The following LRRC37A2 variants were observed in gnomAD, a reference collection of about 807,000 sequenced individuals.
The protein encoded by LRRC37A2 is leucine-rich repeat-containing protein 37A2.
A neutral mutation model predicts 68.8 loss-of-function variants in LRRC37A2; 9 were observed. The ratio of observed to expected loss-of-function variants is 0.13; its 90% CI spans 0.08 to 0.23. The LOEUF (loss-of-function observed/expected upper bound fraction) is 0.23, where lower values mean the gene tolerates loss of function less well. LRRC37A2 is among the 10% of genes least tolerant of loss of function. The pLI is 1.00. For synonymous variants in LRRC37A2, 63 were observed against 367.6 expected (o/e 0.17, Z 9.48); for missense variants, 168 against 950.4 (o/e 0.18, Z 10.82).
At chr17:46,862,774 G>A in the LRRC37A2 span, among the ~76,000 whole-genome samples, 1 of 152,168 alleles carries the variant, frequency 6.6e-6, no homozygotes, top group Non-Finnish European at 1.5e-5. Flanking sequence ...AGTAGAGATG[G>A]GGTTTTACCA....
At chr17:46,716,764 C>T in the LRRC37A2 span, among the ~76,000 whole-genome samples, 1 of 152,022 alleles carries the variant, frequency 6.6e-6, no homozygotes, top group African/African-American at 2.4e-5. Flanking sequence ...TCATATTTGT[C>T]CTTCAATTCT....
At chr17:46,832,529 G>A in the LRRC37A2 span, among the ~76,000 whole-genome samples, 2 of 151,854 alleles carry the variant, frequency 1.3e-5, no homozygotes, top group Non-Finnish European at 2.9e-5. Context: ...TTTAAGCACC[G>A]AGAGAAAGCC....
At chr17:46,795,459 C>T in the LRRC37A2 span, among the ~76,000 whole-genome samples, 9 of 152,110 alleles carry the variant, frequency 5.9e-5, no homozygotes, top group African/African-American at 1.4e-4. Flanking sequence ...GGCAAAGGGA[C>T]GACAGCAAAT....
the LRRC37A2 span, among the ~76,000 whole-genome samples, chr17:46,800,407 G>A: frequency 0.011 from 1,619 of 152,270 alleles, 24 homozygotes; most frequent in African/African-American, 0.038. Context: ...CACCATGCCT[G>A]GCCTGATAAC....
chr17:46,954,918 G>T, the LRRC37A2 span, among the ~76,000 whole-genome samples: 2 of 152,134 alleles, frequency 1.3e-5, no homozygotes, highest in Non-Finnish European at 2.9e-5. Context: ...GAGATTTTGG[G>T]CTGAGACAGT....
At chr17:46,458,791 T>C in the LRRC37A2 span, among the ~76,000 whole-genome samples, 1 of 109,778 alleles carries the variant, frequency 9.1e-6, no homozygotes, top group South Asian at 4.2e-4. Context: ...TCTGCCCGCC[T>C]TGGCCTCCCA....
chr17:46,982,707 G>A, the LRRC37A2 span, among the ~76,000 whole-genome samples: 2 of 152,108 alleles, frequency 1.3e-5, no homozygotes, highest in Non-Finnish European at 2.9e-5. Context: ...GCTGGGGAGG[G>A]AAAAAGACAT....
the LRRC37A2 span, among the ~76,000 whole-genome samples, chr17:46,864,438 C>T: frequency 6.6e-6 from 1 of 152,204 alleles, no homozygotes; most frequent in Non-Finnish European, 1.5e-5. Context: ...ATCAGACTCT[C>T]ACACTTTAGT....
the LRRC37A2 span, among the ~76,000 whole-genome samples, chr17:46,461,021 G>A: frequency 3.5e-5 from 2 of 57,412 alleles, no homozygotes; most frequent in African/African-American, 1.5e-4. Context: ...TTGTTAAATT[G>A]CTGAAAACCA....
the LRRC37A2 span, among the ~76,000 whole-genome samples, chr17:46,814,195 G>A: frequency 3.3e-5 from 5 of 152,282 alleles, no homozygotes; most frequent in Non-Finnish European, 5.9e-5. Context: ...TCTTGGCCCC[G>A]GAGCTGTTGA....
the LRRC37A2 span, among the ~76,000 whole-genome samples, chr17:46,786,199 G>C: frequency 5.3e-5 from 8 of 152,130 alleles, no homozygotes; most frequent in East Asian, 1.6e-3. Context: ...CTGGGGAGGA[G>C]GAAAGAGAGT....
chr17:46,585,191 C>T, the LRRC37A2 span, among the ~76,000 whole-genome samples: 5 of 146,270 alleles, frequency 3.4e-5, 1 homozygote, highest in East Asian at 3.9e-4. Context: ...GTGGTGCGTG[C>T]GTGTAAATCT....
chr17:47,015,393 T>G, the LRRC37A2 span, among the ~76,000 whole-genome samples: 1 of 152,218 alleles, frequency 6.6e-6, no homozygotes. Context: ...GACAGTTGCC[T>G]TTAGTATTCA....
the LRRC37A2 span, among the ~76,000 whole-genome samples, chr17:46,789,861 G>A: frequency 2.0e-4 from 30 of 152,184 alleles, no homozygotes; most frequent in East Asian, 3.9e-4. Flanking sequence ...GGGATGCTGC[G>A]ACCACACCCA....
the LRRC37A2 span, among the ~76,000 whole-genome samples, chr17:47,034,407 G>A: frequency 9.2e-5 from 14 of 152,162 alleles, no homozygotes; most frequent in South Asian, 2.7e-3. Flanking sequence ...AGGGACAAAT[G>A]CAAAGATCCT....
chr17:46,731,464 C>T, the LRRC37A2 span, among the ~76,000 whole-genome samples: 1 of 152,064 alleles, frequency 6.6e-6, no homozygotes, highest in Non-Finnish European at 1.5e-5. Context: ...CTGAATTGTA[C>T]ACTTTAAATG....
chr17:46,947,861 C>T, the LRRC37A2 span, among the ~76,000 whole-genome samples: 5 of 152,198 alleles, frequency 3.3e-5, no homozygotes, highest in Non-Finnish European at 7.3e-5. Flanking sequence ...CTCCGCCTCC[C>T]GGGTTCAAGC....
At chr17:46,712,593 A>G in the LRRC37A2 span, among the ~76,000 whole-genome samples, 1 of 152,232 alleles carries the variant, frequency 6.6e-6, no homozygotes, top group African/African-American at 2.4e-5. Flanking sequence ...TAAATCGGAA[A>G]TGTTGAGCAG....
chr17:46,869,127 G>A, the LRRC37A2 span, among the ~76,000 whole-genome samples: 2 of 152,210 alleles, frequency 1.3e-5, no homozygotes, highest in Non-Finnish European at 2.9e-5. Context: ...GCCCTGGGCA[G>A]ACCAGGGCCC....
Sources: gnomAD v4.1 joint callset for allele counts (sites outside exome capture counted in the v4.1 genomes callset) on GRCh38, gnomAD v4.1.1 for gene constraint, MANE v1.5 for transcripts, NCBI Gene and HGNC (gene_info 2026-07-23, HGNC 2026-07-21) for gene names.